The following CYP7A1 variants were observed in gnomAD, a reference collection of about 807,000 sequenced individuals.
CYP7A1 encodes the protein cytochrome P450 family 7 subfamily A member 1, also known as cytochrome P450 7A1.
CYP7A1 carries 28 observed loss-of-function variants against 43.8 expected under a neutral mutation model. The ratio of observed to expected loss-of-function variants is 0.64; its 90% CI spans 0.47 to 0.88. The LOEUF (loss-of-function observed/expected upper bound fraction) is 0.88, where lower values mean the gene tolerates loss of function less well. CYP7A1 is among the 40% of genes least tolerant of loss of function. CYP7A1 has a pLI of 0.00. For missense variants in CYP7A1, 637 were observed against 611.9 expected, an observed-to-expected ratio of 1.04 and a Z score of -0.43; for synonymous variants, 227 against 222.5, an observed-to-expected ratio of 1.02 and a Z score of -0.18.
intron 4 of CYP7A1, among the ~76,000 whole-genome samples, chr8:58,494,067 A>G (rs1450627561): frequency 1.3e-5 from 2 of 152,204 alleles, no homozygotes; most frequent in Non-Finnish European, 2.9e-5. Flanking sequence ...GAAAAGCAGA[A>G]CAAAGAAAAA....
At chr8:58,495,330 A>G (rs544860002) in intron 3 of CYP7A1, among the ~76,000 whole-genome samples, 3 of 151,266 alleles carry the variant, frequency 2.0e-5, no homozygotes, top group Non-Finnish European at 4.4e-5. Context: ...GGTTCACGCC[A>G]TTCTCCTGCC....
At position 58,490,772 on chromosome 8, in the gene CYP7A1, T is replaced by G. The variant is rs1367701188; in HGVS notation, c.*703A>C. 6.6e-6 allele frequency: 1 copy of G among 152,244 alleles called. No homozygotes were observed. Among genetic ancestry groups the G allele is most frequent in the African/African-American group, 2.4e-5 (1 of 41,454 alleles). 9.4% of individuals were successfully genotyped at this position (152,244 alleles called of 1,614,324 possible). ...TAATCATGTTTAAAGCCCTGAATTT[T>G]GGATATAGAAGAAGTTGAAAAATAT... On this transcript the variant is annotated 3_prime_UTR_variant, in exon 6 of 6. Transcript: ENST00000301645.
intron 4 of CYP7A1, among the ~76,000 whole-genome samples, chr8:58,493,639 T>C (rs147900866): frequency 0.02 from 3,004 of 152,310 alleles, 99 homozygotes; most frequent in African/African-American, 0.068. Flanking sequence ...AGCCCCAGCA[T>C]GGAACCTAAG....
In CYP7A1 at chr8:58,491,447, C is replaced by T; in HGVS notation, c.*28G>A. ...GTGTTCTGCAGTCCTGTAATATCAT[C>T]TAGTGTCCTCTTATTCCAGCCATGT... On this transcript the variant is annotated 3_prime_UTR_variant, in exon 6 of 6. Coordinates refer to ENST00000301645, the MANE Select transcript of CYP7A1 (RefSeq NM_000780.4). 6.2e-7 allele frequency: 1 copy of T among 1,601,510 alleles called. No homozygotes were observed. Among genetic ancestry groups the T allele is most frequent in the Non-Finnish European group, 8.6e-7 (1 of 1,169,560 alleles).
At chr8:58,499,234 C>G (rs1345272447) in intron 1 of CYP7A1, among the ~76,000 whole-genome samples, 1 of 152,138 alleles carries the variant, frequency 6.6e-6, no homozygotes, top group East Asian at 1.9e-4. Context: ...AACTATCAGG[C>G]CTGAAAGAAA....
In CYP7A1 at chr8:58,497,024, G is replaced by A. The variant is rs886353028; in HGVS notation, c.488C>T (p.Thr163Ile). ...MRPPVSSNSK[T>I]AAWVTEGMYS... ...CATCCCTTCTGTCACCCAGGCAGCG[G>A]TCTTTGAGTTAGAGGAGACTGGAGG... The change falls in exon 3 of 6, where the codon ACC becomes ATC. Residue 163 changes from threonine (T) to isoleucine (I), a missense_variant. Physicochemically the swap from Thr to Ile is moderately conservative, Grantham distance 89. Transcript: ENST00000301645. The A allele has an allele frequency of 6.2e-7, 1 of 1,611,396 alleles. No individual in the cohort carries two copies. The highest frequency in any genetic ancestry group is 1.3e-5 in the African/African-American group (1 of 75,054).
intron 4 of CYP7A1, among the ~76,000 whole-genome samples, chr8:58,492,885 C>T (rs924889315): frequency 2.0e-5 from 3 of 152,204 alleles, no homozygotes; most frequent in Non-Finnish European, 4.4e-5. Flanking sequence ...CCACCTCAAC[C>T]TCTCGAGTAG....
rs746326323 is a variant in CYP7A1, at chr8:58,491,512, T to C, written c.1478A>G (p.Asn493Ser). The change falls in exon 6 of 6, where the codon AAT (asparagine) becomes AGT (serine). Residue 493 changes from asparagine (N) to serine (S), a missense_variant. By Grantham distance (46) the Asn-to-Ser change is conservative. Coordinates refer to ENST00000301645, the MANE Select transcript of CYP7A1 (RefSeq NM_000780.4). ...RAGLGILPPLNDIEFKYKFKH... is the reference protein window; with the variant it reads ...RAGLGILPPLSDIEFKYKFKH... ...GAATTTATATTTAAATTCAATATCA[T>C]TCAATGGCGGCAAAATGCCCAAGCC... The C allele has an allele frequency of 3.5e-5, 57 of 1,614,070 alleles. No homozygotes were observed. Among genetic ancestry groups the C allele is most frequent in the Non-Finnish European group, 4.6e-5 (54 of 1,180,042 alleles).
In CYP7A1 at chr8:58,497,062, T is replaced by C; in HGVS notation, c.450A>G (p.Gln150=). Residue 150 remains glutamine (Q), a synonymous_variant, in exon 3 of 6, where the codon CAA becomes CAG. Transcript: ENST00000301645. ...SLTESMMENL[Q]RIMRPPVSSN... ...AGGAGACTGGAGGTCTCATGATACG[T>C]TGGAGGTTTTCCATCATGCTTTCCG... 1 of 1,604,604 alleles carries C rather than the reference T, an allele frequency of 6.2e-7. No individual in the cohort carries two copies. Among genetic ancestry groups the C allele is most frequent in the Non-Finnish European group, 8.5e-7 (1 of 1,179,960 alleles).
chr8:58,496,896 G>C lies in CYP7A1; in HGVS notation c.616C>G (p.Leu206Val). 6.2e-7 allele frequency: 1 copy of C among 1,614,228 alleles called. No homozygotes were observed. The highest frequency in any genetic ancestry group is 8.5e-7 in the Non-Finnish European group (1 of 1,180,042). ...DTQKAHILNNLDNFKQFDKVF... is the reference protein window; with the variant it reads ...DTQKAHILNNVDNFKQFDKVF... ...TTGTCGAATTGCTTGAAGTTGTCAA[G>C]ATTGTTTAGAATATGTGCTTTCTGT... The change falls in exon 3 of 6, where the codon CTT becomes GTT. Residue 206 changes from leucine to valine, a missense_variant. Physicochemically the swap from Leu to Val is conservative, Grantham distance 32. Transcript: ENST00000301645.
chr8:58,498,277 G>A lies in CYP7A1; in HGVS notation c.273C>T (p.His91=), dbSNP rs747513533. 2.0e-5 allele frequency: 32 copies of A among 1,614,048 alleles called. 2 individuals are homozygous for A. Among genetic ancestry groups the A allele is most frequent in the South Asian group, 1.1e-4 (10 of 91,070 alleles). The change falls in exon 2 of 6, where the codon CAC becomes CAT. Residue 91 remains histidine, a synonymous_variant. Transcript: ENST00000301645. Reference sequence around the variant, plus strand: ...ATTTTTTCCAATCAAAATATTTTCCGTGGCACAACACCTTATGGTATGACA... The same window carrying A: ...ATTTTTTCCAATCAAAATATTTTCCATGGCACAACACCTTATGGTATGACA... ...NPLSYHKVLC[H]GKYFDWKKFH...
chr8:58,494,910 C>A (rs536023513), intron 3 of CYP7A1, among the ~76,000 whole-genome samples: 2 of 151,910 alleles, frequency 1.3e-5, no homozygotes, highest in Non-Finnish European at 2.9e-5. Context: ...CCGAGGCGGG[C>A]GGATCATGAG....
In CYP7A1 at chr8:58,491,280, AC is replaced by A. The variant is rs1809346733; in HGVS notation, c.*194del. On this transcript the variant is annotated 3_prime_UTR_variant, in exon 6 of 6. Coordinates refer to ENST00000301645, the MANE Select transcript of CYP7A1 (RefSeq NM_000780.4). ...GTGCTCCTAGAAACTAGTTCTTTTC[AC>A]TAGCAGAGTCTGTGATAGCATCTGG... 1.7e-6 allele frequency: 1 copy of A among 600,434 alleles called. No individual in the cohort carries two copies. The highest frequency in any genetic ancestry group is 2.9e-5 in the Admixed American group (1 of 34,458). The allele number at this position is 600,434 out of a possible 1,614,324, so 37.2% of individuals were successfully genotyped here. A position where few individuals can be genotyped will look rare whatever the true frequency, so the allele number is the denominator to read the frequency against.
In CYP7A1 at chr8:58,491,483, G is replaced by T; in HGVS notation, c.1507C>A (p.His503Asn). ...TTATTCCAGCCATGTATTCACAAAT[G>T]CTTGAATTTATATTTAAATTCAATA... is the stretch of plus-strand genomic sequence containing the variant. ...NDIEFKYKFKHL is the reference protein window; with the variant it reads ...NDIEFKYKFKNL Residue 503 changes from histidine (H) to asparagine (N), a missense_variant, in exon 6 of 6, where the codon CAT (histidine) becomes AAT (asparagine). Transcript: ENST00000301645. The T allele has an allele frequency of 6.2e-7, 1 of 1,613,832 alleles. No individual in the cohort carries two copies. The highest frequency in any genetic ancestry group is 2.2e-5 in the East Asian group (1 of 44,872).
rs374065256 is a variant in CYP7A1 at position 58,491,583 on chromosome 8, A to C, written c.1407T>G (p.Leu469=). The C allele has an allele frequency of 1.2e-6, 2 of 1,614,032 alleles. No homozygotes were observed. Among genetic ancestry groups the C allele is most frequent in the African/African-American group, 2.7e-5 (2 of 74,916 alleles). The change falls in exon 6 of 6, where the codon CTT becomes CTG. Residue 469 remains leucine, a synonymous_variant. Coordinates refer to ENST00000301645, the MANE Select transcript of CYP7A1 (RefSeq NM_000780.4). The stretch of plus-strand genomic sequence containing the variant: ...GTGGACATTTAGCTTGGCCCTCTAT[A>C]AGCTCCAATTCAAAATAAGAAAGCA... ...ILMLSYFELE[L]IEGQAKCPPL...
At position 58,496,634 on chromosome 8, in the gene CYP7A1, G is replaced by T. The variant is rs768382295; in HGVS notation, c.878C>A (p.Ala293Glu). ...CATTTGAAATAAACTCCAGAAAGTCGCTGGAATGGTGTTTGCTTGCGATGC... is the reference window on the plus strand; with the variant it reads ...CATTTGAAATAAACTCCAGAAAGTCTCTGGAATGGTGTTTGCTTGCGATGC... ...LWASQANTIP[A>E]TFWSLFQMIR... Residue 293 changes from alanine to glutamate, a missense_variant, in exon 3 of 6, where the codon GCG (alanine) becomes GAG (glutamate). Coordinates refer to ENST00000301645, the MANE Select transcript of CYP7A1 (RefSeq NM_000780.4). 2.1e-5 allele frequency: 34 copies of T among 1,613,844 alleles called. No homozygotes were observed. The highest frequency in any genetic ancestry group is 2.7e-5 in the Non-Finnish European group (32 of 1,179,884).
chr8:58,495,592 C>T (rs998468639), intron 3 of CYP7A1, among the ~76,000 whole-genome samples: 5 of 152,124 alleles, frequency 3.3e-5, no homozygotes, highest in African/African-American at 1.2e-4. Flanking sequence ...AGCTACATAA[C>T]AAAATTACAG....
chr8:58,496,224 T>A (rs900963761), intron 3 of CYP7A1, among the ~76,000 whole-genome samples: 1 of 152,210 alleles, frequency 6.6e-6, no homozygotes, highest in East Asian at 1.9e-4. Flanking sequence ...ATCACTTAAA[T>A]ACATTTAATG....
Position 58,492,453 on chromosome 8 carries a change from A to G in CYP7A1, c.1115T>C (p.Leu372Ser). ...NIRTAKEDFT[L>S]HLEDGSYNIR... is the part of the protein sequence containing the mutation. ...GTTGTAGGAACCGTCCTCAAGGTGC[A>G]AAGTGAAATCCTCCTTAGCTGTCCG... is the stretch of plus-strand genomic sequence containing the variant. Residue 372 changes from leucine to serine, a missense_variant, in exon 5 of 6, where the codon TTG becomes TCG. Leu to Ser is a moderately radical substitution (Grantham distance 145). Coordinates refer to ENST00000301645, the MANE Select transcript of CYP7A1 (RefSeq NM_000780.4). The G allele has an allele frequency of 6.2e-7, 1 of 1,614,146 alleles. No individual in the cohort carries two copies. Among genetic ancestry groups the G allele is most frequent in the Non-Finnish European group, 8.5e-7 (1 of 1,179,970 alleles).
Sources: allele counts gnomAD v4.1 joint callset (sites outside exome capture counted in the v4.1 genomes callset), GRCh38; gene constraint gnomAD v4.1.1; transcripts MANE v1.5; gene names NCBI Gene and HGNC (gene_info 2026-07-23, HGNC 2026-07-21).